Variants in SMAP1 observed in about 807,000 individuals in gnomAD.
SMAP1 encodes small ArfGAP 1.
A neutral mutation model predicts 58.5 loss-of-function variants in SMAP1; 24 were observed. The ratio of observed to expected loss-of-function variants is 0.41; its 90% CI spans 0.30 to 0.58. The LOEUF is 0.58. Ranked by LOEUF, SMAP1 falls within the 20% of genes least tolerant of loss-of-function variation. SMAP1 has a pLI of 0.29. For missense variants in SMAP1, 563 were observed against 566.3 expected, an observed-to-expected ratio of 0.99 and a Z score of 0.06; for synonymous variants, 216 against 196.6, an observed-to-expected ratio of 1.10 and a Z score of -0.82.
At chr6:70,715,152 G>GA (rs1180385736) in intron 1 of SMAP1, among the ~76,000 whole-genome samples, 2 of 142,518 alleles carry the variant, frequency 1.4e-5, no homozygotes, top group Admixed American at 7.4e-5. Context: ...AGGCTGGAGT[G>GA]CAGTGGTGTG....
In SMAP1 at chr6:70,690,704, A is replaced by ATT. The variant is rs1452414299; in HGVS notation, c.118+22564_118+22565insTT. Reference sequence around the variant, plus strand: ...ATGTATCTTTTATATATATATATATATATATTTTTGAATTTGATTTGCTAT... The same window carrying ATT: ...ATGTATCTTTTATATATATATATATATTTATATTTTTGAATTTGATTTGCTAT... On this transcript the variant is annotated intron_variant, in intron 1 of 10. Transcript: ENST00000370455. Among the ~76,000 whole-genome samples, 1,020 of 141,958 alleles carry ATT rather than the reference A, an allele frequency of 7.2e-3. 5 individuals are homozygous for ATT. The highest frequency in any genetic ancestry group is 0.015 in the South Asian group (66 of 4,414). The allele number at this position is 141,958 out of a possible 152,430, so 93.1% of individuals were successfully genotyped here.
chr6:70,804,029 G>C (rs891753221), intron 6 of SMAP1, among the ~76,000 whole-genome samples: 1 of 152,132 alleles, frequency 6.6e-6, no homozygotes, highest in Non-Finnish European at 1.5e-5. Flanking sequence ...ATGAGTTCAA[G>C]TCCTGGATAT....
At chr6:70,820,385 CT>C (rs1446138969) in intron 6 of SMAP1, among the ~76,000 whole-genome samples, 1 of 151,994 alleles carries the variant, frequency 6.6e-6, no homozygotes, top group Non-Finnish European at 1.5e-5. Flanking sequence ...TATGGTATGC[CT>C]TGATACAGAG....
chr6:70,822,356 C>A (rs1184314970), intron 6 of SMAP1, among the ~76,000 whole-genome samples: 1 of 152,106 alleles, frequency 6.6e-6, no homozygotes, highest in Non-Finnish European at 1.5e-5. Context: ...CATTATTATT[C>A]TCCTTTATGA....
At chr6:70,788,191 A>G (rs1158973371) in intron 4 of SMAP1, among the ~76,000 whole-genome samples, 3 of 151,092 alleles carry the variant, frequency 2.0e-5, no homozygotes, top group East Asian at 2.0e-4. Flanking sequence ...TCAGCAAACT[A>G]TCGCAAGGAC....
At chr6:70,821,441 C>G (rs1294682853) in intron 6 of SMAP1, among the ~76,000 whole-genome samples, 2 of 151,946 alleles carry the variant, frequency 1.3e-5, no homozygotes, top group Non-Finnish European at 2.9e-5. Flanking sequence ...ATGGCATTGT[C>G]ATGAAGAAAA....
intron 4 of SMAP1, among the ~76,000 whole-genome samples, chr6:70,782,814 T>C (rs576005630): frequency 6.6e-6 from 1 of 152,278 alleles, no homozygotes; most frequent in East Asian, 1.9e-4. Flanking sequence ...ATGGCCAGTA[T>C]GGAAATATAC....
intron 3 of SMAP1, among the ~76,000 whole-genome samples, chr6:70,770,368 C>T (rs544903667): frequency 3.3e-5 from 5 of 152,294 alleles, no homozygotes; most frequent in South Asian, 2.1e-4. Flanking sequence ...CCATTCTCCC[C>T]GTCACTTTCA....
intron 6 of SMAP1, among the ~76,000 whole-genome samples, chr6:70,834,215 T>C (rs1003118911): frequency 2.0e-5 from 3 of 152,176 alleles, no homozygotes; most frequent in East Asian, 3.9e-4. Flanking sequence ...AAATGCCTTA[T>C]AAACAAGAGT....
Position 70,861,717 on chromosome 6 carries a change from A to G in SMAP1, c.*1383A>G, listed in dbSNP as rs1257896129. Reference sequence around the variant, plus strand: ...GGTACTTTGGCTCGTTGGCTAGATTAACCTTCTCTGTCCGAGTGTGCCACA... The same window carrying G: ...GGTACTTTGGCTCGTTGGCTAGATTGACCTTCTCTGTCCGAGTGTGCCACA... On this transcript the variant is annotated 3_prime_UTR_variant, in exon 11 of 11. Coordinates refer to ENST00000370455, the MANE Select transcript of SMAP1 (RefSeq NM_001044305.3). The G allele has an allele frequency of 6.2e-7, 1 of 1,614,036 alleles. No homozygotes were observed. Among genetic ancestry groups the G allele is most frequent in the Non-Finnish European group, 8.5e-7 (1 of 1,179,992 alleles).
chr6:70,835,246 C>T (rs776422287), intron 6 of SMAP1, among the ~76,000 whole-genome samples: 56 of 120,826 alleles, frequency 4.6e-4, no homozygotes, highest in African/African-American at 8.0e-4. Context: ...AGCGAGACTC[C>T]GTCTCAAAAA....
chr6:70,833,088 T>TAA (rs1770429289), intron 6 of SMAP1, among the ~76,000 whole-genome samples: 1 of 152,222 alleles, frequency 6.6e-6, no homozygotes, highest in Non-Finnish European at 1.5e-5. Flanking sequence ...AGAAAATTAA[T>TAA]AACTCTTAAT....
intron 9 of SMAP1, 139 bp from the exon 10 acceptor site, chr6:70,857,783 C>CT: frequency 1.2e-6 from 1 of 851,538 alleles, no homozygotes. Context: ...GTGGGTTGGT[C>CT]TGAGTAGTAG....
chr6:70,813,889 A>G (rs1408079685), intron 6 of SMAP1, among the ~76,000 whole-genome samples: 1 of 152,190 alleles, frequency 6.6e-6, no homozygotes. Flanking sequence ...ATACAATTTT[A>G]TCTTTATAAT....
In SMAP1 at chr6:70,697,963, T is replaced by G. The variant is rs569570529; in HGVS notation, c.118+29822T>G. On this transcript the variant is annotated intron_variant, in intron 1 of 10. Transcript: ENST00000370455. ...ACACCACAATTACAATGCTACAATA[T>G]TCTGCGTTTTTTTGTGTGCTTACTA... 2.6e-5 allele frequency among the ~76,000 whole-genome samples: 4 copies of G among 152,360 alleles called. No homozygotes were observed. In the South Asian group the frequency reaches 8.3e-4, roughly 32 times the overall value.
At position 70,840,035 on chromosome 6, in the gene SMAP1, AAAC is replaced by A. The variant is rs545223045; in HGVS notation, c.664+3009_664+3011del. On this transcript the variant is annotated intron_variant, in intron 7 of 10. Transcript: ENST00000370455. ...GACCCTGGTTTTCCCCTGTAAATTG[AAAC>A]ACAGCGGGGATTGGGGGCGTAGGTG... Among the ~76,000 whole-genome samples the A allele has an allele frequency of 1.4e-3, 220 of 152,290 alleles. 1 individual carries two copies. Among genetic ancestry groups the A allele is most frequent in the Admixed American group, 9.7e-3 (148 of 15,308 alleles).
chr6:70,721,025 T>A (rs1270323252), intron 1 of SMAP1, among the ~76,000 whole-genome samples: 1 of 152,194 alleles, frequency 6.6e-6, no homozygotes, highest in Non-Finnish European at 1.5e-5. Flanking sequence ...GAAAAGGACT[T>A]GTTCTATGAA....
chr6:70,722,915 C>T (rs1768594914), intron 1 of SMAP1, among the ~76,000 whole-genome samples: 1 of 152,198 alleles, frequency 6.6e-6, no homozygotes, highest in Non-Finnish European at 1.5e-5. Flanking sequence ...CACAGTGCTG[C>T]AGAGATTTTG....
chr6:70,680,933 G>A (rs1392742809), intron 1 of SMAP1, among the ~76,000 whole-genome samples: 3 of 151,782 alleles, frequency 2.0e-5, no homozygotes, highest in Non-Finnish European at 4.4e-5. Flanking sequence ...TGGCCAGGCT[G>A]GTCTCGAACT....
Sources: allele counts gnomAD v4.1 joint callset (sites outside exome capture counted in the v4.1 genomes callset), GRCh38; gene constraint gnomAD v4.1.1; transcripts MANE v1.5; gene names NCBI Gene and HGNC (gene_info 2026-07-23, HGNC 2026-07-21).